The following CCNB1IP1 variants were observed in gnomAD, a reference collection of about 807,000 sequenced individuals.
The protein encoded by CCNB1IP1 is cyclin B1 interacting protein 1.
In CCNB1IP1, 14 loss-of-function variants were observed where a neutral mutation model predicts 25.6. The observed-to-expected ratio is 0.55, with a 90% CI of 0.36 to 0.85. The LOEUF (loss-of-function observed/expected upper bound fraction) is 0.85. Ranked by LOEUF, CCNB1IP1 falls within the 40% of genes least tolerant of loss-of-function variation. The pLI is 0.01. For synonymous variants in CCNB1IP1, 119 were observed against 116.1 expected, an observed-to-expected ratio of 1.02 and a Z score of -0.16; for missense variants, 278 against 342.4, an observed-to-expected ratio of 0.81 and a Z score of 1.48.
chr14:20,319,198 T>C (rs1166553449), intron 4 of CCNB1IP1: 1 of 152,268 alleles, frequency 6.6e-6, no homozygotes. Flanking sequence ...TCAAATCTTT[T>C]TCCTTCAAAC....
chr14:20,330,917 C>T (rs1274981253), intron 1 of CCNB1IP1: 2 of 152,140 alleles, frequency 1.3e-5, no homozygotes, highest in African/African-American at 4.8e-5. Context: ...AGGTTTGCTT[C>T]CCCCTTCCCC....
At chr14:20,323,119 T>G (rs1264809930) in intron 4 of CCNB1IP1, 1 of 152,220 alleles carries the variant, frequency 6.6e-6, no homozygotes, top group Non-Finnish European at 1.5e-5. Context: ...ACTAGGCTGC[T>G]TCTTTTATTT....
chr14:20,324,110 T>G (rs1283753313), intron 4 of CCNB1IP1, among the ~76,000 whole-genome samples: 1 of 152,050 alleles, frequency 6.6e-6, no homozygotes, highest in Non-Finnish European at 1.5e-5. Flanking sequence ...AGAACTTAAT[T>G]AAGTTTTGAG....
At chr14:20,324,120 G>C (rs1882989054) in intron 4 of CCNB1IP1, among the ~76,000 whole-genome samples, 1 of 152,098 alleles carries the variant, frequency 6.6e-6, no homozygotes, top group South Asian at 2.1e-4. Context: ...TAAGTTTTGA[G>C]GGGCGGGGTG....
chr14:20,313,385 C>A lies in CCNB1IP1; in HGVS notation c.631+83G>T, dbSNP rs143129145. 480 of 1,115,636 alleles carry A rather than the reference C, an allele frequency of 4.3e-4. 4 individuals carry two copies. In the African/African-American group the frequency reaches 6.9e-3, roughly 16 times the overall value. The allele number at this position is 1,115,636 out of a possible 1,614,324, so 69.1% of individuals were successfully genotyped here. On this transcript the variant is annotated intron_variant, in intron 6 of 6. Transcript: ENST00000358932. ...AATGCTTGTCTTATCCTTATCGTCTCGACTGAATGCTTGGAAGTGGGCAGA... is the reference window on the plus strand; with the variant it reads ...AATGCTTGTCTTATCCTTATCGTCTAGACTGAATGCTTGGAAGTGGGCAGA...
chr14:20,321,627 A>G (rs1339355233), intron 4 of CCNB1IP1, among the ~76,000 whole-genome samples: 1 of 151,852 alleles, frequency 6.6e-6, no homozygotes, highest in Non-Finnish European at 1.5e-5. Flanking sequence ...TTTTTTTTGT[A>G]TTTTTAGTAG....
chr14:20,316,968 G>C (rs1882720490), intron 4 of CCNB1IP1, among the ~76,000 whole-genome samples: 1 of 152,096 alleles, frequency 6.6e-6, no homozygotes, highest in South Asian at 2.1e-4. Flanking sequence ...AATTAGCCAG[G>C]CGTGGTGATT....
chr14:20,326,082 G>A (rs1883066843), intron 3 of CCNB1IP1, among the ~76,000 whole-genome samples: 1 of 152,118 alleles, frequency 6.6e-6, no homozygotes, highest in African/African-American at 2.4e-5. Flanking sequence ...ATTCTATAGT[G>A]TTGTACCGTA....
Position 20,316,568 on chromosome 14 carries a change from G to A in CCNB1IP1, c.-37-8C>T. The A allele has an allele frequency of 2.0e-6, 3 of 1,525,386 alleles. No individual in the cohort carries two copies. The highest frequency in any genetic ancestry group is 1.2e-5 in the South Asian group (1 of 85,402). 94.5% of individuals were successfully genotyped at this position (1,525,386 alleles called of 1,614,324 possible). A position where few individuals can be genotyped will look rare whatever the true frequency, so the allele number is the denominator to read the frequency against. Reference sequence around the variant, plus strand: ...CAGAAGCTGAAGAGAGGCCTAAGAAGGGGTAAATAAAAAGGCCAAGTAAGT... The same window carrying A: ...CAGAAGCTGAAGAGAGGCCTAAGAAAGGGTAAATAAAAAGGCCAAGTAAGT... On this transcript the variant is annotated splice_region_variant and splice_polypyrimidine_tract_variant and intron_variant, in intron 4 of 6. Transcript: ENST00000358932.
chr14:20,327,748 C>T (rs899735749), intron 2 of CCNB1IP1, among the ~76,000 whole-genome samples: 5 of 152,022 alleles, frequency 3.3e-5, no homozygotes, highest in Admixed American at 6.6e-5. Flanking sequence ...CAGATACAAT[C>T]TAGCCAGAAA....
At chr14:20,320,465 AATG>A (rs1248357744) in intron 4 of CCNB1IP1, 3 of 347,972 alleles carry the variant, frequency 8.6e-6, no homozygotes, top group African/African-American at 4.5e-5. Flanking sequence ...TTGCTTTTAG[AATG>A]ATATTTCATC....
intron 4 of CCNB1IP1, among the ~76,000 whole-genome samples, chr14:20,318,642 C>T (rs781428179): frequency 5.9e-5 from 9 of 152,152 alleles, no homozygotes; most frequent in Non-Finnish European, 1.2e-4. Flanking sequence ...TCTGTGCTTA[C>T]CCATAGCAGC....
chr14:20,320,222 A>T, intron 4 of CCNB1IP1: 1 of 426,090 alleles, frequency 2.3e-6, no homozygotes, highest in Non-Finnish European at 4.7e-6. Flanking sequence ...ATAATTCTAA[A>T]GTTTTGCTTT....
chr14:20,315,598 G>A lies in CCNB1IP1; in HGVS notation c.297+629C>T, dbSNP rs551069209. The A allele has an allele frequency of 8.5e-6, 11 of 1,286,674 alleles. No individual in the cohort carries two copies. In the East Asian group the frequency reaches 1.7e-4, roughly 20 times the overall value. 79.7% of individuals were successfully genotyped at this position (1,286,674 alleles called of 1,614,324 possible). A position where few individuals can be genotyped will look rare whatever the true frequency, so the allele number is the denominator to read the frequency against. On this transcript the variant is annotated intron_variant, in intron 5 of 6. Coordinates refer to ENST00000358932, the MANE Select transcript of CCNB1IP1 (RefSeq NM_021178.5). ...AGGACATGCTTAAAGTCATCCACAG[G>A]GAGGTCTTTCAAAGGAAATACTAAA...
At chr14:20,329,952 C>T (rs544696274) in intron 1 of CCNB1IP1, among the ~76,000 whole-genome samples, 5 of 152,054 alleles carry the variant, frequency 3.3e-5, no homozygotes, top group South Asian at 2.1e-4. Context: ...TTAAAACTTC[C>T]GTGAAGACTG....
chr14:20,312,124 T>G (rs576515784), intron 6 of CCNB1IP1, among the ~76,000 whole-genome samples: 1 of 152,104 alleles, frequency 6.6e-6, no homozygotes, highest in East Asian at 1.9e-4. Flanking sequence ...TGACTATATA[T>G]CCTTCAAGCT....
chr14:20,315,864 G>A (rs1882673538), intron 5 of CCNB1IP1: 1 of 676,364 alleles, frequency 1.5e-6, no homozygotes, highest in African/African-American at 1.9e-5. Context: ...GGCAACACAA[G>A]AAAACCCCGT....
chr14:20,332,005 CAT>C (rs1555314509), intron 1 of CCNB1IP1, among the ~76,000 whole-genome samples: 3,167 of 66,470 alleles, frequency 0.048, 175 homozygotes, highest in Middle Eastern at 0.061. Flanking sequence ...GATGTGTATA[CAT>C]ATATATATAT....
rs904370008 is a variant in CCNB1IP1, at chr14:20,321,598, C to T, written c.-38+3941G>A. 5.3e-5 allele frequency among the ~76,000 whole-genome samples: 8 copies of T among 152,082 alleles called. No homozygotes were observed. The East Asian group carries it at 1.2e-3, about 22-fold the overall frequency. On this transcript the variant is annotated intron_variant, in intron 4 of 6. Coordinates refer to ENST00000358932, the MANE Select transcript of CCNB1IP1 (RefSeq NM_021178.5). Reference sequence around the variant, plus strand: ...TCCCGCATAGCTGGGACTACAGGCACGCTGCCCCACCCAGCTAATTTTTTT... The same window carrying T: ...TCCCGCATAGCTGGGACTACAGGCATGCTGCCCCACCCAGCTAATTTTTTT...
Sources: gnomAD v4.1 joint callset for allele counts (sites outside exome capture counted in the v4.1 genomes callset) on GRCh38, gnomAD v4.1.1 for gene constraint, MANE v1.5 for transcripts, NCBI Gene and HGNC (gene_info 2026-07-23, HGNC 2026-07-21) for gene names.